The following CBFA2T2 variants were observed in gnomAD, a reference collection of about 807,000 sequenced individuals.
The protein encoded by CBFA2T2 is protein CBFA2T2.
A neutral mutation model predicts 62.2 loss-of-function variants in CBFA2T2; 11 were observed. The ratio of observed to expected loss-of-function variants is 0.18; its 90% CI spans 0.11 to 0.29. The LOEUF is 0.29. CBFA2T2 is among the 10% of genes least tolerant of loss of function. The pLI is 1.00. For synonymous variants in CBFA2T2, 295 were observed against 287.5 expected (o/e 1.03, Z -0.27); for missense variants, 592 against 774.1 (o/e 0.76, Z 2.79).
chr20:33,520,018 G>A (rs528979968), intron 1 of CBFA2T2, among the ~76,000 whole-genome samples: 7 of 152,036 alleles, frequency 4.6e-5, no homozygotes, highest in African/African-American at 1.4e-4. Flanking sequence ...ATGGTGGCTC[G>A]TGCCTAATCC....
At chr20:33,610,982 C>T in intron 2 of CBFA2T2, 112 bp from the exon 3 acceptor site, 1 of 1,338,208 alleles carries the variant, frequency 7.5e-7, no homozygotes, top group Non-Finnish European at 1.0e-6. Flanking sequence ...ACCTTTATAA[C>T]ATGTGCTTTA....
chr20:33,516,127 C>T (rs192935809), intron 1 of CBFA2T2, among the ~76,000 whole-genome samples: 4 of 151,330 alleles, frequency 2.6e-5, no homozygotes, highest in East Asian at 2.0e-4. Context: ...GAGCAAGACC[C>T]GGCCTCAAAA....
intron 3 of CBFA2T2, 137 bp from the exon 4 acceptor site, chr20:33,619,380 C>T (rs1907556058): frequency 4.1e-6 from 2 of 485,614 alleles, no homozygotes; most frequent in South Asian, 4.1e-5. Flanking sequence ...GCGCTCTGGC[C>T]TGGGCAACAG....
chr20:33,523,099 G>A (rs1168666190), intron 1 of CBFA2T2, among the ~76,000 whole-genome samples: 1 of 152,106 alleles, frequency 6.6e-6, no homozygotes, highest in Non-Finnish European at 1.5e-5. Context: ...ATATAGATAC[G>A]CATTGTAGAT....
At chr20:33,539,396 G>A (rs967418406) in intron 1 of CBFA2T2, among the ~76,000 whole-genome samples, 29 of 152,172 alleles carry the variant, frequency 1.9e-4, no homozygotes, top group African/African-American at 6.8e-4. Flanking sequence ...TGCTTATGCT[G>A]TTCTCCAATC....
Position 33,628,452 on chromosome 20 carries a change from G to A in CBFA2T2, c.1032+17G>A, listed in dbSNP as rs2016332375. On this transcript the variant is annotated intron_variant, in intron 7 of 10. Coordinates refer to ENST00000342704, the MANE Select transcript of CBFA2T2 (RefSeq NM_001032999.3). ...CTTGACCATGTAAGAATCTTGTAGT[G>A]TGTAATGTCCCTAACTCTTTATTAC... 6.5e-7 allele frequency: 1 copy of A among 1,542,028 alleles called. No homozygotes were observed. Among genetic ancestry groups the A allele is most frequent in the Non-Finnish European group, 9.0e-7 (1 of 1,114,354 alleles).
intron 1 of CBFA2T2, among the ~76,000 whole-genome samples, chr20:33,531,934 A>G (rs926859788): frequency 6.6e-6 from 1 of 152,222 alleles, no homozygotes; most frequent in Non-Finnish European, 1.5e-5. Flanking sequence ...GGGTTTAATC[A>G]TATCTTCACC....
At chr20:33,591,610 T>C (rs1022070353) in intron 1 of CBFA2T2, among the ~76,000 whole-genome samples, 1 of 152,186 alleles carries the variant, frequency 6.6e-6, no homozygotes, top group Non-Finnish European at 1.5e-5. Context: ...TGTGGTTACC[T>C]TACTACTTGA....
At chr20:33,638,554 TC>T (rs759534775) in intron 9 of CBFA2T2, among the ~76,000 whole-genome samples, 4 of 152,174 alleles carry the variant, frequency 2.6e-5, no homozygotes, top group Non-Finnish European at 4.4e-5. Flanking sequence ...TATGAAAAGT[TC>T]TTGGCCTCTG....
chr20:33,563,782 G>A (rs1162477140), intron 1 of CBFA2T2, among the ~76,000 whole-genome samples: 1 of 152,002 alleles, frequency 6.6e-6, no homozygotes, highest in Non-Finnish European at 1.5e-5. Context: ...TTTTTGCTGC[G>A]ATAGATTCCT....
At chr20:33,628,225 A>ATTTT in intron 6 of CBFA2T2, 125 bp from the exon 7 acceptor site, 1 of 678,764 alleles carries the variant, frequency 1.5e-6, no homozygotes, top group South Asian at 1.8e-5. Flanking sequence ...CCCCCACCCC[A>ATTTT]TTGTGAATCA....
chr20:33,611,233 A>G lies in CBFA2T2; in HGVS notation c.318A>G (p.Gln106=), dbSNP rs772902809. Residue 106 remains glutamine (Q), a synonymous_variant, in exon 3 of 11, where the codon CAA becomes CAG. Transcript: ENST00000342704. ...QQLPATCGAR[Q]LSKLKRFLTT... ...TGCCAGCCACTTGTGGTGCTCGACA[A>G]CTCAGCAAGTTGAAACGCTTTCTTA... 5 of 1,614,062 alleles carry G rather than the reference A, an allele frequency of 3.1e-6. No homozygotes were observed. The highest frequency in any genetic ancestry group is 3.4e-6 in the Non-Finnish European group (4 of 1,180,002).
At chr20:33,491,508 C>G (rs2011146088) in intron 1 of CBFA2T2, among the ~76,000 whole-genome samples, 1 of 151,934 alleles carries the variant, frequency 6.6e-6, no homozygotes, top group Non-Finnish European at 1.5e-5. Flanking sequence ...TCCTTAAACA[C>G]GTGAAAGGGA....
intron 1 of CBFA2T2, chr20:33,562,527 C>T (rs925560520): frequency 1.0e-6 from 1 of 985,826 alleles, no homozygotes; most frequent in Non-Finnish European, 1.2e-6. Context: ...AGAGCTGACA[C>T]ATGTCCAGCT....
intron 1 of CBFA2T2, among the ~76,000 whole-genome samples, chr20:33,579,678 C>G (rs1051196047): frequency 6.6e-6 from 1 of 151,866 alleles, no homozygotes. Context: ...GAGTTGACAC[C>G]TTTATTGAAA....
At chr20:33,619,489 A>G in intron 3 of CBFA2T2, 28 bp from the exon 4 acceptor site, 1 of 1,401,992 alleles carries the variant, frequency 7.1e-7, no homozygotes, top group Non-Finnish European at 9.7e-7. Context: ...CAGTTTTGGA[A>G]GTTGAACAAG....
At chr20:33,541,657 C>T (rs1172106856) in intron 1 of CBFA2T2, among the ~76,000 whole-genome samples, 3 of 152,190 alleles carry the variant, frequency 2.0e-5, no homozygotes, top group African/African-American at 7.2e-5. Context: ...AGTTCTTTCT[C>T]TGTCAGTTAC....
At chr20:33,583,543 T>C (rs1243849774) in intron 1 of CBFA2T2, among the ~76,000 whole-genome samples, 1 of 152,234 alleles carries the variant, frequency 6.6e-6, no homozygotes, top group Admixed American at 6.5e-5. Context: ...TTAAATAATT[T>C]AGTAAAATTT....
intron 1 of CBFA2T2, among the ~76,000 whole-genome samples, chr20:33,509,810 T>C (rs900074915): frequency 1.3e-5 from 2 of 151,502 alleles, no homozygotes; most frequent in East Asian, 3.9e-4. Flanking sequence ...GCCTGGGAGA[T>C]AGAGTAAAAC....
Sources: gnomAD v4.1 joint callset for allele counts (sites outside exome capture counted in the v4.1 genomes callset) on GRCh38, gnomAD v4.1.1 for gene constraint, MANE v1.5 for transcripts, NCBI Gene and HGNC (gene_info 2026-07-23, HGNC 2026-07-21) for gene names.